The following XKR9 variants were observed in gnomAD, a reference collection of about 807,000 sequenced individuals.
XKR9 encodes the protein XK related 9, also known as XK-related protein 9.
A neutral mutation model predicts 32.0 loss-of-function variants in XKR9; 32 were observed. The observed-to-expected ratio is 1.00, with a 90% CI of 0.76 to 1.34. The LOEUF is 1.34. XKR9 is among the 40% of genes most tolerant of loss of function. The pLI is 0.00. For missense variants in XKR9, 546 were observed against 429.7 expected (o/e 1.27, Z -2.39); for synonymous variants, 168 against 143.4 (o/e 1.17, Z -1.22).
the XKR9 span, among the ~76,000 whole-genome samples, chr8:70,979,964 T>A: frequency 6.6e-6 from 1 of 152,212 alleles, no homozygotes; most frequent in African/African-American, 2.4e-5. Flanking sequence ...GCCTCAGCAA[T>A]GGTGGATGCC....
At chr8:71,001,705 G>A in the XKR9 span, among the ~76,000 whole-genome samples, 1 of 152,118 alleles carries the variant, frequency 6.6e-6, no homozygotes, top group African/African-American at 2.4e-5. Context: ...ACTGAATAAG[G>A]TAATGGTGGC....
intron 4 of XKR9, among the ~76,000 whole-genome samples, chr8:70,710,543 A>G (rs773933188): frequency 3.2e-4 from 49 of 152,072 alleles, no homozygotes; most frequent in Non-Finnish European, 5.4e-4. Context: ...TCTAGTAAAC[A>G]TAGAGAACAA....
intron 2 of XKR9, among the ~76,000 whole-genome samples, chr8:70,783,848 T>G (rs913385089): frequency 1.3e-5 from 2 of 152,212 alleles, no homozygotes; most frequent in African/African-American, 2.4e-5. Flanking sequence ...TAGTCTTATA[T>G]GTAAGTCTTT....
the XKR9 span, among the ~76,000 whole-genome samples, chr8:70,811,793 TA>T: frequency 6.6e-6 from 1 of 152,104 alleles, no homozygotes; most frequent in Non-Finnish European, 1.5e-5. Context: ...ATTGTGGCAA[TA>T]ATCAATAGCT....
intron 2 of XKR9, among the ~76,000 whole-genome samples, chr8:70,748,049 A>G (rs774073304): frequency 6.6e-5 from 10 of 152,200 alleles, no homozygotes; most frequent in Non-Finnish European, 1.2e-4. Flanking sequence ...TGTTGTTATT[A>G]TATCTTTGTA....
At chr8:70,853,816 T>C in the XKR9 span, among the ~76,000 whole-genome samples, 118 of 152,286 alleles carry the variant, frequency 7.7e-4, no homozygotes, top group Middle Eastern at 3.4e-3. Context: ...CTGAGAATGA[T>C]GGTTTCCAGC....
chr8:71,028,164 T>C, the XKR9 span, among the ~76,000 whole-genome samples: 1 of 152,216 alleles, frequency 6.6e-6, no homozygotes, highest in African/African-American at 2.4e-5. Context: ...AGTATGGACA[T>C]TTTCACAATT....
At chr8:70,700,975 T>C (rs1246551253) in intron 3 of XKR9, among the ~76,000 whole-genome samples, 2 of 152,198 alleles carry the variant, frequency 1.3e-5, no homozygotes, top group Admixed American at 1.3e-4. Flanking sequence ...CCGTGGGGCG[T>C]AGGACCCTCC....
chr8:70,901,238 T>A, the XKR9 span, among the ~76,000 whole-genome samples: 3 of 152,212 alleles, frequency 2.0e-5, no homozygotes, highest in Non-Finnish European at 2.9e-5. Flanking sequence ...CGCCACACTG[T>A]CTTCCACAAT....
the XKR9 span, among the ~76,000 whole-genome samples, chr8:70,862,229 A>T: frequency 2.0e-5 from 3 of 152,104 alleles, no homozygotes; most frequent in Non-Finnish European, 4.4e-5. Context: ...TTTATTTTTT[A>T]TATTTTCTCT....
intron 2 of XKR9, among the ~76,000 whole-genome samples, chr8:70,787,871 T>C (rs1312185780): frequency 6.6e-6 from 1 of 152,026 alleles, no homozygotes; most frequent in African/African-American, 2.4e-5. Flanking sequence ...ATTAAGGTAT[T>C]TGGTCAAGGC....
the XKR9 span, among the ~76,000 whole-genome samples, chr8:70,919,222 G>T: frequency 6.6e-6 from 1 of 152,236 alleles, no homozygotes; most frequent in South Asian, 2.1e-4. Flanking sequence ...TTCTTTATCT[G>T]TTGAAAAGGA....
chr8:70,755,942 T>C (rs1563469912), intron 2 of XKR9, among the ~76,000 whole-genome samples: 1 of 152,150 alleles, frequency 6.6e-6, no homozygotes, highest in Non-Finnish European at 1.5e-5. Context: ...TTTGGTTTCA[T>C]ATTCAAAAAG....
Position 70,710,359 on chromosome 8 carries a change from A to G in XKR9, c.493+3206A>G, listed in dbSNP as rs547538730. On this transcript the variant is annotated intron_variant, in intron 4 of 4. Coordinates refer to ENST00000408926, the MANE Select transcript of XKR9 (RefSeq NM_001011720.2). ...AACTCTAGAAGAAAATCTAGGAAAT[A>G]CCATTCTGGACATAGGCCTTGGCAA... is the stretch of plus-strand genomic sequence containing the variant. Among the ~76,000 whole-genome samples the G allele has an allele frequency of 4.6e-5, 7 of 152,296 alleles. 1 individual carries two copies. The highest frequency in any genetic ancestry group is 4.6e-4 in the Admixed American group (7 of 15,290).
intron 1 of XKR9, among the ~76,000 whole-genome samples, chr8:70,669,817 C>T (rs1378496138): frequency 1.3e-5 from 2 of 151,962 alleles, no homozygotes; most frequent in Non-Finnish European, 2.9e-5. Context: ...TAGGCGTCCG[C>T]CACCACGCCC....
intron 2 of XKR9, among the ~76,000 whole-genome samples, chr8:70,763,550 A>G (rs1807335179): frequency 6.6e-6 from 1 of 152,220 alleles, no homozygotes; most frequent in Non-Finnish European, 1.5e-5. Context: ...TTCTATTTAT[A>G]ATACATCATT....
chr8:70,816,027 T>C, the XKR9 span, among the ~76,000 whole-genome samples: 2 of 150,528 alleles, frequency 1.3e-5, no homozygotes, highest in Non-Finnish European at 3.0e-5. Context: ...GATTGCTGGG[T>C]AGAATGTTAT....
chr8:70,789,756 C>A (rs1477219262), intron 3 of XKR9, among the ~76,000 whole-genome samples: 1 of 151,672 alleles, frequency 6.6e-6, no homozygotes, highest in African/African-American at 2.4e-5. Context: ...ATTTAAAAAG[C>A]AAAGTCATCT....
intron 2 of XKR9, among the ~76,000 whole-genome samples, chr8:70,746,859 A>G (rs1807065832): frequency 6.6e-6 from 1 of 151,684 alleles, no homozygotes; most frequent in Non-Finnish European, 1.5e-5. Flanking sequence ...TATTGATCCC[A>G]TTGTCCAAGT....
Sources: allele counts gnomAD v4.1 joint callset (sites outside exome capture counted in the v4.1 genomes callset), GRCh38; gene constraint gnomAD v4.1.1; transcripts MANE v1.5; gene names NCBI Gene and HGNC (gene_info 2026-07-23, HGNC 2026-07-21).